Variants in FLNB observed in about 807,000 individuals in gnomAD.
The protein encoded by FLNB is filamin-B.
Under a neutral mutation model 250.6 loss-of-function variants are expected in FLNB, and 111 were observed. The ratio of observed to expected loss-of-function variants is 0.44; its 90% confidence interval spans 0.38 to 0.52. The LOEUF (loss-of-function observed/expected upper bound fraction) is 0.52, where lower values mean the gene tolerates loss of function less well. Among genes scored for constraint, FLNB ranks in the 20% least tolerant of loss-of-function variants. FLNB has a pLI of 0.00. For synonymous variants in FLNB, 1,302 were observed against 1,372.1 expected, an observed-to-expected ratio of 0.95 and a Z score of 1.13; for missense variants, 2,869 against 3,447.8, an observed-to-expected ratio of 0.83 and a Z score of 4.20.
intron 2 of FLNB, 127 bp downstream of exon 2, chr3:58,077,421 A>G: frequency 8.0e-7 from 1 of 1,242,352 alleles, no homozygotes; most frequent in Non-Finnish European, 1.1e-6. Flanking sequence ...TTAGCCCATT[A>G]TAAGCCCATT....
intron 41 of FLNB, among the ~76,000 whole-genome samples, chr3:58,157,837 G>C (rs577295373): frequency 6.6e-6 from 1 of 152,188 alleles, no homozygotes; most frequent in Non-Finnish European, 1.5e-5. Flanking sequence ...GAGTGCTCTC[G>C]TCATAGCTGG....
chr3:58,123,810 G>A lies in FLNB; in HGVS notation c.3724+120G>A, dbSNP rs143978800. 198 of 818,890 alleles carry A rather than the reference G, an allele frequency of 2.4e-4. No homozygotes were observed. In the African/African-American group the frequency reaches 3.2e-3, roughly 13 times the overall value. 50.7% of individuals were successfully genotyped at this position (818,890 alleles called of 1,614,324 possible). On this transcript the variant is annotated intron_variant, in intron 21 of 45. Transcript: ENST00000295956. ...GGAGCCAGGTGACATATAAGGCGGT[G>A]CTCACCTGTTCCCTCTGCCTCGGGG...
chr3:58,143,858 T>C (rs1322711286), intron 32 of FLNB, among the ~76,000 whole-genome samples: 2 of 152,220 alleles, frequency 1.3e-5, no homozygotes, highest in Non-Finnish European at 1.5e-5. Flanking sequence ...TGTTTATCTT[T>C]GTCACTACGC....
intron 4 of FLNB, 92 bp from the exon 5 acceptor site, chr3:58,094,744 C>T: frequency 7.5e-6 from 8 of 1,063,670 alleles, no homozygotes; most frequent in Non-Finnish European, 1.2e-5. Context: ...GGCTGGGTCC[C>T]ATCTCTCAGT....
intron 1 of FLNB, among the ~76,000 whole-genome samples, chr3:58,043,141 C>CTTTTTTTTTT (rs58727890): frequency 2.0e-5 from 2 of 101,982 alleles, no homozygotes; most frequent in Non-Finnish European, 1.8e-5. Context: ...TTTGGCATTC[C>CTTTTTTTTTT]TTTTTTTTTT....
chr3:58,068,766 C>T (rs552230332), intron 1 of FLNB, among the ~76,000 whole-genome samples: 8 of 152,248 alleles, frequency 5.3e-5, no homozygotes, highest in African/African-American at 1.7e-4. Flanking sequence ...CAGCTCTTCA[C>T]AGGCTGCTGC....
chr3:58,023,208 C>T (rs1405443282), intron 1 of FLNB, among the ~76,000 whole-genome samples: 1 of 149,568 alleles, frequency 6.7e-6, no homozygotes, highest in Non-Finnish European at 1.5e-5. Flanking sequence ...AAGTGATTCT[C>T]CTGCCTCAGC....
intron 1 of FLNB, among the ~76,000 whole-genome samples, chr3:58,031,523 C>T (rs529393906): frequency 1.4e-5 from 2 of 143,436 alleles, no homozygotes; most frequent in Non-Finnish European, 3.0e-5. Flanking sequence ...GGATTACAGA[C>T]GTGAGCCACC....
intron 1 of FLNB, among the ~76,000 whole-genome samples, chr3:58,060,415 G>T (rs1052869158): frequency 6.7e-6 from 1 of 148,886 alleles, no homozygotes; most frequent in Non-Finnish European, 1.5e-5. Flanking sequence ...GTGCAGTGGC[G>T]CAATCTCAGC....
chr3:58,101,625 C>T (rs2097251368), intron 8 of FLNB, among the ~76,000 whole-genome samples: 1 of 152,232 alleles, frequency 6.6e-6, no homozygotes, highest in African/African-American at 2.4e-5. Context: ...GGCCTTGTAA[C>T]AGACAGCACG....
At chr3:58,045,856 C>T (rs1056012528) in intron 1 of FLNB, among the ~76,000 whole-genome samples, 4 of 151,898 alleles carry the variant, frequency 2.6e-5, no homozygotes, top group Non-Finnish European at 4.4e-5. Flanking sequence ...AAAAATTAGC[C>T]GGGCGTGGTA....
In FLNB at chr3:58,148,784, A is replaced by G. The variant is rs1386999602; in HGVS notation, c.6023A>G (p.Tyr2008Cys). The change falls in exon 36 of 46, where the codon TAT becomes TGT. Residue 2008 changes from tyrosine (Y) to cysteine (C), a missense_variant. This residue lies in a region of FLNB where 1,084 missense variants were observed against 1,315.5 expected (regional missense o/e 0.82). Coordinates refer to ENST00000295956, the MANE Select transcript of FLNB (RefSeq NM_001457.4). ...GGTGACGCCCGCCGAGCCAAAGTCT[A>G]TGGCCGCGGCCTGTCAGAAGGCCGG... ...EIGDARRAKV[Y>C]GRGLSEGRTF... is the part of the protein sequence containing the mutation. The G allele has an allele frequency of 1.9e-6, 3 of 1,613,964 alleles. No individual in the cohort carries two copies. The highest frequency in any genetic ancestry group is 2.5e-6 in the Non-Finnish European group (3 of 1,180,020).
rs150253524 is a variant in FLNB, at chr3:58,058,019, C to T, written c.293-19027C>T. 8.0e-3 allele frequency among the ~76,000 whole-genome samples: 1,219 copies of T among 152,228 alleles called. 19 individuals carry two copies. The highest frequency in any genetic ancestry group is 0.051 in the East Asian group (266 of 5,168). ...GGTCAGGCTGGTCTCGAACTCCCGA[C>T]CTCAGGTGATCCGCCTGCCTTGGCC... On this transcript the variant is annotated intron_variant, in intron 1 of 45. Coordinates refer to ENST00000295956, the MANE Select transcript of FLNB (RefSeq NM_001457.4).
intron 3 of FLNB, among the ~76,000 whole-genome samples, chr3:58,080,939 G>A (rs1035013963): frequency 1.3e-4 from 19 of 151,052 alleles, no homozygotes; most frequent in Admixed American, 4.0e-4. Context: ...GATTACAGGT[G>A]TCTGCCACCA....
At position 58,153,502 on chromosome 3, in the gene FLNB, C is replaced by G; in HGVS notation, c.6495C>G (p.His2165Gln). ...VRFVPQEMGV[H>Q]TVSVKYRGQH... ...TTGTGCCCCAGGAGATGGGCGTGCA[C>G]ACGGTCAGCGTCAAGTACCGTGGGC... Residue 2165 changes from histidine to glutamine, a missense_variant, in exon 39 of 46, where the codon CAC becomes CAG. Transcript: ENST00000295956. The G allele has an allele frequency of 6.2e-7, 1 of 1,614,214 alleles. No homozygotes were observed. Among genetic ancestry groups the G allele is most frequent in the Non-Finnish European group, 8.5e-7 (1 of 1,180,054 alleles).
At position 58,126,653 on chromosome 3, in the gene FLNB, G is replaced by T. The variant is rs199540577; in HGVS notation, c.4113G>T (p.Ser1371=). Residue 1371 remains serine (S), a synonymous_variant, in exon 24 of 46, where the codon TCG becomes TCT. Transcript: ENST00000295956. ...TAACTGTTGAGGGACCATCAGAGTC[G>T]AAGATAAATTGCAGAGACAACAAGG... The part of the protein sequence containing the change: ...LGITVEGPSE[S]KINCRDNKDG... The T allele has an allele frequency of 3.7e-6, 6 of 1,613,838 alleles. No individual in the cohort carries two copies. The Admixed American group carries it at 6.7e-5, about 18-fold the overall frequency.
rs144641160 is a variant in FLNB, at chr3:58,118,795, G to A, written c.2746-77G>A. ...CTCCCCTGTCCGTGAGAAGAATGAG[G>A]GATCTTGAGGGGATTTTAAATGCCA... is the stretch of plus-strand genomic sequence containing the variant. On this transcript the variant is annotated intron_variant, in intron 18 of 45. Coordinates refer to ENST00000295956, the MANE Select transcript of FLNB (RefSeq NM_001457.4). 8.8e-5 allele frequency: 86 copies of A among 980,254 alleles called. No homozygotes were observed. In the East Asian group the frequency reaches 2.0e-3, roughly 23 times the overall value. The allele number at this position is 980,254 out of a possible 1,614,324, so 60.7% of individuals were successfully genotyped here. A position where few individuals can be genotyped will look rare whatever the true frequency, so the allele number is the denominator to read the frequency against.
chr3:58,151,342 A>T (rs1277877583), intron 38 of FLNB: 1 of 150,568 alleles, frequency 6.6e-6, no homozygotes, highest in African/African-American at 2.5e-5. Context: ...CAGTGAGCTG[A>T]AATTGCACCG....
At chr3:58,163,453 C>A in intron 43 of FLNB, 123 bp downstream of exon 43, 1 of 1,036,712 alleles carries the variant, frequency 9.6e-7, no homozygotes, top group Non-Finnish European at 1.5e-6. Flanking sequence ...TGGGGTCATG[C>A]ACACTTCGGA....
Sources: allele counts gnomAD v4.1 joint callset (sites outside exome capture counted in the v4.1 genomes callset), GRCh38; gene constraint gnomAD v4.1.1; regional missense constraint gnomAD v4.1.1; transcripts MANE v1.5; gene names NCBI Gene and HGNC (gene_info 2026-07-23, HGNC 2026-07-21).